Variants in PIGL observed in about 807,000 individuals in gnomAD.
PIGL encodes the protein N-acetylglucosaminyl-phosphatidylinositol de-N-acetylase.
A neutral mutation model predicts 31.1 loss-of-function variants in PIGL; 22 were observed. The observed-to-expected ratio is 0.71, with a 90% confidence interval of 0.51 to 1.01. The LOEUF is 1.01. Ranked by LOEUF, PIGL falls within the 50% of genes least tolerant of loss-of-function variation. PIGL has a pLI of 0.00. For missense variants in PIGL, 302 were observed against 315.9 expected (o/e 0.96, Z 0.33); for synonymous variants, 131 against 117.4 (o/e 1.12, Z -0.75).
chr17:16,281,022 GA>G (rs142381790), intron 2 of PIGL, among the ~76,000 whole-genome samples: 1 of 151,482 alleles, frequency 6.6e-6, no homozygotes, highest in African/African-American at 2.4e-5. Context: ...TTTTTAAAAG[GA>G]AAAAAAATCT....
At chr17:16,266,703 C>T (rs1035474463) in intron 2 of PIGL, among the ~76,000 whole-genome samples, 5 of 152,106 alleles carry the variant, frequency 3.3e-5, no homozygotes, top group South Asian at 2.1e-4. Context: ...TCATGCCATT[C>T]TCCTGCCTCA....
chr17:16,233,109 T>TA (rs35821817), intron 1 of PIGL, among the ~76,000 whole-genome samples: 54,855 of 144,248 alleles, frequency 0.38, 11,144 homozygotes, highest in Middle Eastern at 0.54. Flanking sequence ...GCAAGACTCT[T>TA]AAAAAAAAAA....
At chr17:16,295,844 G>A (rs2092979735) in intron 2 of PIGL, among the ~76,000 whole-genome samples, 1 of 152,172 alleles carries the variant, frequency 6.6e-6, no homozygotes, top group African/African-American at 2.4e-5. Context: ...GGGAAGCTGA[G>A]GCAAGAGAAT....
intron 2 of PIGL, among the ~76,000 whole-genome samples, chr17:16,256,818 G>C (rs949018021): frequency 1.3e-5 from 2 of 152,032 alleles, no homozygotes; most frequent in African/African-American, 4.8e-5. Flanking sequence ...CTCCCAAGTA[G>C]CTGGGACTAT....
At chr17:16,240,911 T>C (rs1406674608) in intron 2 of PIGL, among the ~76,000 whole-genome samples, 1 of 151,602 alleles carries the variant, frequency 6.6e-6, no homozygotes, top group Non-Finnish European at 1.5e-5. Context: ...GGTCGGGAGT[T>C]CGAGACCAGC....
At chr17:16,308,047 G>C (rs1470699575) in intron 3 of PIGL, among the ~76,000 whole-genome samples, 2 of 151,466 alleles carry the variant, frequency 1.3e-5, no homozygotes. Flanking sequence ...AAAAAGAAAA[G>C]CACAAGGCTG....
intron 2 of PIGL, among the ~76,000 whole-genome samples, chr17:16,270,847 C>G (rs561905664): frequency 3.3e-5 from 5 of 151,310 alleles, no homozygotes; most frequent in African/African-American, 1.2e-4. Context: ...GAGCCGAGAT[C>G]GCGCAACTGC....
At chr17:16,325,332 C>CAAAAAAAAAAAAAAAAAA (rs55958956) in intron 6 of PIGL, among the ~76,000 whole-genome samples, 1 of 69,278 alleles carries the variant, frequency 1.4e-5, no homozygotes, top group Non-Finnish European at 2.7e-5. Context: ...GCAACAGGCT[C>CAAAAAAAAAAAAAAAAAA]AAAAAAAAAA....
At chr17:16,223,214 A>T (rs186230213) in intron 1 of PIGL, among the ~76,000 whole-genome samples, 4 of 152,220 alleles carry the variant, frequency 2.6e-5, no homozygotes, top group Non-Finnish European at 5.9e-5. Flanking sequence ...TAATAGATGC[A>T]TCTCTTATAT....
At chr17:16,256,295 C>T (rs1455384483) in intron 2 of PIGL, among the ~76,000 whole-genome samples, 1 of 152,114 alleles carries the variant, frequency 6.6e-6, no homozygotes. Context: ...TTTAATAACC[C>T]AAGAAGATGT....
intron 3 of PIGL, among the ~76,000 whole-genome samples, chr17:16,301,712 C>T (rs922017869): frequency 1.3e-5 from 2 of 151,852 alleles, no homozygotes; most frequent in East Asian, 3.9e-4. Flanking sequence ...GCTGGGACTA[C>T]AGGCGCCCAC....
chr17:16,225,383 CTTTTTTT>C (rs948575134), intron 1 of PIGL, among the ~76,000 whole-genome samples: 15 of 97,536 alleles, frequency 1.5e-4, no homozygotes, highest in South Asian at 1.0e-3. Flanking sequence ...AAGCACGTTT[CTTTTTTT>C]TTTTTTTTTT....
intron 2 of PIGL, among the ~76,000 whole-genome samples, chr17:16,263,600 A>G (rs111910338): frequency 6.3e-4 from 89 of 140,632 alleles, no homozygotes; most frequent in African/African-American, 2.2e-3. Flanking sequence ...TCTCGGCTCA[A>G]TGCAACCTCT....
At chr17:16,285,712 T>C (rs968060527) in intron 2 of PIGL, among the ~76,000 whole-genome samples, 1 of 152,224 alleles carries the variant, frequency 6.6e-6, no homozygotes, top group Admixed American at 6.5e-5. Flanking sequence ...TTAATAAAAG[T>C]GCACTGATCT....
At chr17:16,319,830 C>G (rs985948639) in intron 6 of PIGL, among the ~76,000 whole-genome samples, 1 of 151,228 alleles carries the variant, frequency 6.6e-6, no homozygotes, top group African/African-American at 2.4e-5. Context: ...TAGGCCAGCT[C>G]AGGTCATCCT....
intron 1 of PIGL, among the ~76,000 whole-genome samples, chr17:16,231,919 T>C (rs1228660975): frequency 6.6e-6 from 1 of 152,168 alleles, no homozygotes; most frequent in Non-Finnish European, 1.5e-5. Context: ...CATAAGTATA[T>C]GGACTAATGT....
chr17:16,238,560 C>A (rs1490968308), intron 2 of PIGL, among the ~76,000 whole-genome samples: 1 of 148,882 alleles, frequency 6.7e-6, no homozygotes. Context: ...CTCAGCCTCC[C>A]GAGTAGCTGG....
chr17:16,326,067 C>T lies in PIGL; in HGVS notation c.*169C>T. The T allele has an allele frequency of 1.8e-6, 1 of 567,580 alleles. No homozygotes were observed. The highest frequency in any genetic ancestry group is 3.1e-6 in the Non-Finnish European group (1 of 321,460). The allele number at this position is 567,580 out of a possible 1,614,324, so 35.2% of individuals were successfully genotyped here. On this transcript the variant is annotated 3_prime_UTR_variant, in exon 7 of 7. Coordinates refer to ENST00000225609, the MANE Select transcript of PIGL (RefSeq NM_004278.4). The stretch of plus-strand genomic sequence containing the variant: ...CCAGGGGCTGTCCAAACTCCAGCTT[C>T]TTCCCCTGGGAAAAAACCCAAAGAA...
At chr17:16,219,002 C>T (rs2092612859) in intron 1 of PIGL, among the ~76,000 whole-genome samples, 2 of 151,450 alleles carry the variant, frequency 1.3e-5, no homozygotes, top group South Asian at 4.2e-4. Context: ...TTCTTACTGG[C>T]ACTAATGAGA....
Sources: gnomAD v4.1 joint callset for allele counts (sites outside exome capture counted in the v4.1 genomes callset) on GRCh38, gnomAD v4.1.1 for gene constraint, MANE v1.5 for transcripts, NCBI Gene and HGNC (gene_info 2026-07-23, HGNC 2026-07-21) for gene names.